Variants in TYR observed in about 807,000 individuals in gnomAD.
TYR encodes the protein LB24-AB.
A neutral mutation model predicts 51.5 loss-of-function variants in TYR; 58 were observed. The ratio of observed to expected loss-of-function variants is 1.13; its 90% CI spans 0.91 to 1.40. The LOEUF is 1.40. Among genes scored for constraint, TYR ranks in the 40% most tolerant of loss-of-function variants. TYR has a pLI of 0.00. For synonymous variants in TYR, 263 were observed against 235.2 expected (o/e 1.12, Z -1.08); for missense variants, 732 against 647.4 (o/e 1.13, Z -1.42).
intron 3 of TYR, among the ~76,000 whole-genome samples, chr11:89,273,276 T>C (rs773458484): frequency 5.3e-5 from 8 of 151,924 alleles, no homozygotes; most frequent in African/African-American, 9.7e-5. Flanking sequence ...ATTGAACATT[T>C]ATAGGCCATT....
intron 2 of TYR, among the ~76,000 whole-genome samples, chr11:89,222,797 A>T (rs954897858): frequency 2.6e-5 from 4 of 152,184 alleles, no homozygotes; most frequent in Admixed American, 2.6e-4. Context: ...AATTTCCTAT[A>T]GGAATGTAGC....
intron 3 of TYR, among the ~76,000 whole-genome samples, chr11:89,252,046 G>T (rs191222797): frequency 1.2e-3 from 189 of 151,782 alleles, no homozygotes; most frequent in African/African-American, 4.3e-3. Flanking sequence ...GAGGACATTG[G>T]CTTTTCTGAT....
intron 3 of TYR, among the ~76,000 whole-genome samples, chr11:89,269,698 C>A (rs1426465889): frequency 1.3e-5 from 2 of 151,828 alleles, no homozygotes; most frequent in Non-Finnish European, 2.9e-5. Context: ...TGAGATCGGC[C>A]ACAGTTGAAT....
At chr11:89,293,422 T>C (rs924683483) in intron 4 of TYR, among the ~76,000 whole-genome samples, 2 of 151,888 alleles carry the variant, frequency 1.3e-5, no homozygotes, top group Non-Finnish European at 2.9e-5. Flanking sequence ...GTAATGACTA[T>C]GGAAATTTTC....
At chr11:89,255,849 A>G (rs1267524966) in intron 3 of TYR, among the ~76,000 whole-genome samples, 1 of 151,556 alleles carries the variant, frequency 6.6e-6, no homozygotes, top group Admixed American at 6.6e-5. Flanking sequence ...TTTTTTTAAG[A>G]GGCAGCTTTA....
At chr11:89,184,765 A>C (rs1180589052) in intron 1 of TYR, among the ~76,000 whole-genome samples, 2 of 152,176 alleles carry the variant, frequency 1.3e-5, no homozygotes, top group Non-Finnish European at 2.9e-5. Flanking sequence ...GCCAGTAAGA[A>C]AATTAGCCAG....
At chr11:89,251,295 A>C (rs183866742) in intron 3 of TYR, among the ~76,000 whole-genome samples, 1 of 152,138 alleles carries the variant, frequency 6.6e-6, no homozygotes, top group East Asian at 1.9e-4. Flanking sequence ...ATATCTGTTT[A>C]TCATATGACT....
intron 1 of TYR, 78 bp from the exon 2 acceptor site, chr11:89,191,124 G>A (rs1489851176): frequency 1.6e-6 from 2 of 1,272,186 alleles, no homozygotes; most frequent in East Asian, 2.3e-5. Context: ...ACGATAATTA[G>A]GAGTTCCAAC....
chr11:89,281,316 G>C (rs143503676), intron 3 of TYR, among the ~76,000 whole-genome samples: 36 of 151,798 alleles, frequency 2.4e-4, no homozygotes, highest in African/African-American at 8.4e-4. Flanking sequence ...ATAGGGCTTT[G>C]ATATGGAGAA....
intron 3 of TYR, among the ~76,000 whole-genome samples, chr11:89,242,382 ATT>A: frequency 6.6e-6 from 1 of 151,152 alleles, no homozygotes; most frequent in East Asian, 2.0e-4. Flanking sequence ...TAATTTGGGC[ATT>A]TTTTTTTAGT....
intron 3 of TYR, among the ~76,000 whole-genome samples, chr11:89,235,025 T>C (rs1210454906): frequency 1.3e-5 from 2 of 148,172 alleles, no homozygotes; most frequent in Non-Finnish European, 3.0e-5. Context: ...CAAACCACAA[T>C]AAAATGATAA....
intron 3 of TYR, among the ~76,000 whole-genome samples, chr11:89,271,892 T>C (rs1944592860): frequency 6.6e-6 from 1 of 151,936 alleles, no homozygotes. Context: ...TCTTTGCTCA[T>C]CCATAAGATG....
intron 3 of TYR, among the ~76,000 whole-genome samples, chr11:89,256,158 T>C (rs1944388897): frequency 6.6e-6 from 1 of 151,816 alleles, no homozygotes; most frequent in Non-Finnish European, 1.5e-5. Context: ...AACTGAAGAA[T>C]ATAATTTTAA....
In TYR at chr11:89,285,871, CT is replaced by C. The variant is rs140758104; in HGVS notation, c.1366+919del. On this transcript the variant is annotated intron_variant, in intron 4 of 4. Transcript: ENST00000263321. ...GGGTTAATTATCAAAAACAGTGTGG[CT>C]TATGGGTAGGAGGTATTTAACAAGC... 1.4e-3 allele frequency among the ~76,000 whole-genome samples: 213 copies of C among 151,840 alleles called. 1 individual carries two copies. Among genetic ancestry groups the C allele is most frequent in the African/African-American group, 4.8e-3 (200 of 41,454 alleles).
At chr11:89,238,746 G>A (rs1185799766) in intron 3 of TYR, among the ~76,000 whole-genome samples, 1 of 152,042 alleles carries the variant, frequency 6.6e-6, no homozygotes, top group East Asian at 1.9e-4. Flanking sequence ...AAACTTTATT[G>A]TATTGAGGTA....
chr11:89,202,630 C>CACACAA lies in TYR; in HGVS notation c.1036+11217_1036+11218insAACACA, dbSNP rs1195453390. Among the ~76,000 whole-genome samples the CACACAA allele has an allele frequency of 3.3e-5, 5 of 151,428 alleles. 1 individual carries two copies. The South Asian group carries it at 8.4e-4, about 25-fold the overall frequency. ...AGAATATATTTTCATAATACACACACACACACACACACACACACACTGTAT... is the reference window on the plus strand; with the variant it reads ...AGAATATATTTTCATAATACACACACACACAAACACACACACACACACACACTGTAT... On this transcript the variant is annotated intron_variant, in intron 2 of 4. Transcript: ENST00000263321.
intron 2 of TYR, among the ~76,000 whole-genome samples, chr11:89,196,380 G>A (rs1943518857): frequency 6.6e-6 from 1 of 152,066 alleles, no homozygotes; most frequent in Admixed American, 6.6e-5. Flanking sequence ...TCAAAAATGA[G>A]GTGACAGCAG....
intron 3 of TYR, among the ~76,000 whole-genome samples, chr11:89,238,465 T>A (rs1383395539): frequency 6.6e-6 from 1 of 152,118 alleles, no homozygotes; most frequent in Admixed American, 6.6e-5. Context: ...ACTGAAGTCA[T>A]TTTTTAATTT....
At chr11:89,189,295 G>A (rs12419949) in intron 1 of TYR, among the ~76,000 whole-genome samples, 25,181 of 151,782 alleles carry the variant, frequency 0.17, 2,486 homozygotes, top group African/African-American at 0.28. Flanking sequence ...TGCATGTGCC[G>A]TGTTTTCTTA....
Sources: gnomAD v4.1 joint callset for allele counts (sites outside exome capture counted in the v4.1 genomes callset) on GRCh38, gnomAD v4.1.1 for gene constraint, MANE v1.5 for transcripts, NCBI Gene and HGNC (gene_info 2026-07-23, HGNC 2026-07-21) for gene names.